Variants in PCDH7 observed in about 807,000 individuals in gnomAD.
PCDH7 encodes the protein protocadherin-7.
PCDH7 carries 17 observed loss-of-function variants against 58.9 expected under a neutral mutation model. The ratio of observed to expected loss-of-function variants is 0.29; its 90% CI spans 0.20 to 0.43. The LOEUF (loss-of-function observed/expected upper bound fraction) is 0.43, where lower values mean the gene tolerates loss of function less well. PCDH7 is among the 20% of genes least tolerant of loss of function. The probability of loss-of-function intolerance (pLI) is 1.00; values close to 1 mark genes in which losing one functional copy is unlikely to be tolerated. For synonymous variants in PCDH7, 664 were observed against 616.4 expected (o/e 1.08, Z -1.14); for missense variants, 1,274 against 1,441.0 (o/e 0.88, Z 1.88).
intron 1 of PCDH7, among the ~76,000 whole-genome samples, chr4:30,831,305 A>G (rs1042472469): frequency 1.3e-5 from 2 of 152,072 alleles, no homozygotes; most frequent in African/African-American, 2.4e-5. Flanking sequence ...CTTGAGACCC[A>G]CTCCAGAAAA....
At chr4:30,922,218 A>G (rs4532197) in intron 2 of PCDH7, among the ~76,000 whole-genome samples, 40,194 of 151,502 alleles carry the variant, frequency 0.27, 5,953 homozygotes, top group East Asian at 0.43. Context: ...TAATATAGAT[A>G]GATGATAAAT....
chr4:31,057,311 G>A (rs1213333020), intron 3 of PCDH7, among the ~76,000 whole-genome samples: 1 of 152,138 alleles, frequency 6.6e-6, no homozygotes, highest in Non-Finnish European at 1.5e-5. Context: ...CATAGAAAAT[G>A]GGAAGATGAA....
At chr4:30,759,122 A>G (rs1416516391) in intron 1 of PCDH7, among the ~76,000 whole-genome samples, 1 of 151,650 alleles carries the variant, frequency 6.6e-6, no homozygotes, top group African/African-American at 2.4e-5. Flanking sequence ...TTGTCCTTTT[A>G]GTAAAGATGG....
At chr4:30,981,630 C>A (rs949226364) in intron 3 of PCDH7, among the ~76,000 whole-genome samples, 1 of 152,064 alleles carries the variant, frequency 6.6e-6, no homozygotes, top group Non-Finnish European at 1.5e-5. Context: ...TTCAAAGAAT[C>A]CTTTTTAAAT....
chr4:31,120,433 A>ATTTTTTTCTTTTTTTTTTTTTTT (rs1560242481), intron 3 of PCDH7, among the ~76,000 whole-genome samples: 1 of 50,678 alleles, frequency 2.0e-5, no homozygotes, highest in Admixed American at 1.9e-4. Context: ...TTTTCTTTCT[A>ATTTTTTTCTTTTTTTTTTTTTTT]TTTTTTTCTT....
At chr4:30,991,847 T>C (rs1001442034) in intron 3 of PCDH7, among the ~76,000 whole-genome samples, 2 of 152,152 alleles carry the variant, frequency 1.3e-5, no homozygotes, top group African/African-American at 4.8e-5. Flanking sequence ...TAAGACAGTA[T>C]TTACATATAT....
At chr4:30,994,255 G>A (rs1354229250) in intron 3 of PCDH7, among the ~76,000 whole-genome samples, 4 of 152,094 alleles carry the variant, frequency 2.6e-5, no homozygotes, top group African/African-American at 9.7e-5. Context: ...GAAATGGAAA[G>A]CTGTAGAATT....
chr4:30,859,488 G>A (rs1475571622), intron 1 of PCDH7, among the ~76,000 whole-genome samples: 2 of 149,544 alleles, frequency 1.3e-5, no homozygotes, highest in African/African-American at 4.9e-5. Flanking sequence ...CTCCCAGGCT[G>A]GAGTGCAGTG....
At chr4:30,844,668 T>C (rs1422427421) in intron 1 of PCDH7, among the ~76,000 whole-genome samples, 1 of 152,184 alleles carries the variant, frequency 6.6e-6, no homozygotes, top group African/African-American at 2.4e-5. Context: ...CAAACATGTA[T>C]ATGTTTTGCT....
At chr4:31,111,351 G>C (rs1028084971) in intron 3 of PCDH7, among the ~76,000 whole-genome samples, 1 of 149,198 alleles carries the variant, frequency 6.7e-6, no homozygotes, top group Non-Finnish European at 1.5e-5. Flanking sequence ...TCTGTCGCTC[G>C]GGCTAGAGTG....
intron 1 of PCDH7, among the ~76,000 whole-genome samples, chr4:30,854,180 C>T (rs1733142872): frequency 6.6e-6 from 1 of 151,128 alleles, no homozygotes; most frequent in Non-Finnish European, 1.5e-5. Context: ...GTTTCCCCCA[C>T]CTCATAGGCT....
intron 3 of PCDH7, among the ~76,000 whole-genome samples, chr4:31,005,256 G>A (rs968692995): frequency 6.6e-6 from 1 of 152,184 alleles, no homozygotes; most frequent in African/African-American, 2.4e-5. Context: ...AGGTTGGGAA[G>A]CTGGAAGCGA....
intron 3 of PCDH7, among the ~76,000 whole-genome samples, chr4:30,976,354 G>C (rs1236400956): frequency 2.0e-5 from 3 of 149,770 alleles, no homozygotes; most frequent in South Asian, 2.1e-4. Context: ...GCCTCCCAAA[G>C]TGTGGGAATT....
chr4:31,056,585 G>T (rs1757264715), intron 3 of PCDH7, among the ~76,000 whole-genome samples: 1 of 148,946 alleles, frequency 6.7e-6, no homozygotes. Context: ...AGGAAGGGAA[G>T]GGAGGAAGGA....
intron 1 of PCDH7, among the ~76,000 whole-genome samples, chr4:30,783,706 C>A (rs1723068493): frequency 6.6e-6 from 1 of 152,280 alleles, no homozygotes; most frequent in Middle Eastern, 3.4e-3. Flanking sequence ...TTTTCCAATT[C>A]TCTGCATAAT....
chr4:30,876,943 C>T (rs1460426190), intron 1 of PCDH7, among the ~76,000 whole-genome samples: 1 of 151,948 alleles, frequency 6.6e-6, no homozygotes. Flanking sequence ...GTGTGATGTT[C>T]CCCTCCCTGT....
intron 1 of PCDH7, among the ~76,000 whole-genome samples, chr4:30,828,476 C>T (rs1395255427): frequency 6.6e-6 from 1 of 151,878 alleles, no homozygotes; most frequent in East Asian, 1.9e-4. Flanking sequence ...ATGTCAGTTA[C>T]CTCATTAATA....
intron 1 of PCDH7, among the ~76,000 whole-genome samples, chr4:30,756,501 A>G (rs1719325810): frequency 6.6e-6 from 1 of 152,196 alleles, no homozygotes; most frequent in Non-Finnish European, 1.5e-5. Flanking sequence ...TTAATGTCTG[A>G]TGCTAGAGAC....
intron 3 of PCDH7, among the ~76,000 whole-genome samples, chr4:31,029,245 A>G (rs1754699524): frequency 6.6e-6 from 1 of 152,172 alleles, no homozygotes; most frequent in Non-Finnish European, 1.5e-5. Context: ...CTATAAGTCC[A>G]TTTTTTTGGT....
Sources: allele counts gnomAD v4.1 joint callset (sites outside exome capture counted in the v4.1 genomes callset), GRCh38; gene constraint gnomAD v4.1.1; transcripts MANE v1.5; gene names NCBI Gene and HGNC (gene_info 2026-07-23, HGNC 2026-07-21).